MMD2: variants seen among roughly 807,000 people sequenced by gnomAD.
The protein encoded by MMD2 is monocyte to macrophage differentiation factor 2.
A neutral mutation model predicts 33.5 loss-of-function variants in MMD2; 30 were observed. The observed-to-expected ratio is 0.90, with a 90% CI of 0.67 to 1.22. The LOEUF is 1.22. Among genes scored for constraint, MMD2 ranks in the 50% most tolerant of loss-of-function variants. The pLI, the probability that MMD2 is intolerant of heterozygous loss-of-function variation, is 0.00. For missense variants in MMD2, 364 were observed against 325.4 expected (o/e 1.12, Z -0.91); for synonymous variants, 129 against 123.0 (o/e 1.05, Z -0.32).
chr7:4,893,234 A>G, the MMD2 span, among the ~76,000 whole-genome samples: 2 of 152,050 alleles, frequency 1.3e-5, no homozygotes, highest in Admixed American at 1.3e-4. Flanking sequence ...GACCCCGTCC[A>G]AGAAAGAATT....
Position 4,928,594 on chromosome 7 carries a change from C to G in MMD2, c.48-3062G>C, listed in dbSNP as rs565587046. 2.0e-5 allele frequency among the ~76,000 whole-genome samples: 3 copies of G among 152,110 alleles called. No individual in the cohort carries two copies. The South Asian group carries it at 6.2e-4, about 32-fold the overall frequency. ...TGCTGACTCCATGCTAAGTATAGTT[C>G]ATGAAGCATTCATTGAGCACCTTCT... On this transcript the variant is annotated intron_variant, in intron 1 of 6. Coordinates refer to ENST00000401401, the MANE Select transcript of MMD2 (RefSeq NM_198403.4).
Position 4,907,315 on chromosome 7 carries a change from T to C in MMD2, c.*81A>G. On this transcript the variant is annotated 3_prime_UTR_variant, in exon 7 of 7. Transcript: ENST00000401401. ...CTACCCAATAAAGGGAAGACAGGCC[T>C]TGGCGCTGTGCTCTGGGTTAACGTT... 2 of 1,404,348 alleles carry C rather than the reference T, an allele frequency of 1.4e-6. No homozygotes were observed. The highest frequency in any genetic ancestry group is 4.9e-4 in the Middle Eastern group (2 of 4,092). 87.0% of individuals were successfully genotyped at this position (1,404,348 alleles called of 1,614,324 possible).
chr7:4,919,412 A>G (rs1442394876), intron 3 of MMD2, among the ~76,000 whole-genome samples: 1 of 151,522 alleles, frequency 6.6e-6, no homozygotes, highest in East Asian at 2.0e-4. Context: ...CTACAAAAAG[A>G]TACAAGAATT....
At chr7:4,932,529 C>A (rs181079994) in intron 1 of MMD2, among the ~76,000 whole-genome samples, 109 of 152,106 alleles carry the variant, frequency 7.2e-4, no homozygotes, top group Non-Finnish European at 1.2e-3. Context: ...GATTCACCAT[C>A]CCCCAGAATT....
chr7:4,914,470 T>G (rs1019173132), intron 4 of MMD2, among the ~76,000 whole-genome samples: 2 of 152,232 alleles, frequency 1.3e-5, no homozygotes, highest in Non-Finnish European at 2.9e-5. Context: ...GTATTCTCCC[T>G]GTTTATGTAA....
intron 2 of MMD2, among the ~76,000 whole-genome samples, chr7:4,924,749 G>A (rs6947947): frequency 0.53 from 81,033 of 151,898 alleles, 22,461 homozygotes; most frequent in African/African-American, 0.69. Flanking sequence ...TATTCCCGGT[G>A]ACAGGAACAG....
rs202062526 is a variant in MMD2 at position 4,907,347 on chromosome 7, A to T, written c.*49T>A. 3.5e-5 allele frequency: 56 copies of T among 1,584,546 alleles called. No homozygotes were observed. The East Asian group carries it at 1.1e-3, about 32-fold the overall frequency. ...TGTGCTCTGGGTTAACGTTCACAGA[A>T]ACGTGCTCCACTCCTAAAGCCCAAA... On this transcript the variant is annotated 3_prime_UTR_variant, in exon 7 of 7. Coordinates refer to ENST00000401401, the MANE Select transcript of MMD2 (RefSeq NM_198403.4).
downstream of MMD2, among the ~76,000 whole-genome samples, chr7:4,904,774 G>A (rs1054883652): frequency 6.6e-6 from 1 of 152,160 alleles, no homozygotes; most frequent in Admixed American, 6.5e-5. Context: ...CAATGCCGGG[G>A]TTATGCTGAA....
intron 1 of MMD2, among the ~76,000 whole-genome samples, chr7:4,927,694 G>A (rs950113640): frequency 6.6e-6 from 1 of 152,150 alleles, no homozygotes; most frequent in African/African-American, 2.4e-5. Flanking sequence ...GTGACAGAGA[G>A]AGACTCATTC....
At chr7:4,908,790 A>G (rs1480962605) in intron 6 of MMD2, among the ~76,000 whole-genome samples, 1 of 151,688 alleles carries the variant, frequency 6.6e-6, no homozygotes, top group Non-Finnish European at 1.5e-5. Context: ...CCAGCTACTC[A>G]GGAGGCCAAG....
chr7:4,903,880 C>T (rs953219588), downstream of MMD2, among the ~76,000 whole-genome samples: 2 of 152,156 alleles, frequency 1.3e-5, no homozygotes, highest in Non-Finnish European at 2.9e-5. Flanking sequence ...CCTCACGGCC[C>T]CAGGGATGGA....
chr7:4,957,171 AAAAT>A (rs1325030650), intron 1 of MMD2, among the ~76,000 whole-genome samples: 9 of 132,892 alleles, frequency 6.8e-5, no homozygotes, highest in Admixed American at 7.7e-5. Context: ...CTCAAAAAAA[AAAAT>A]ATATATATAT....
downstream of MMD2, among the ~76,000 whole-genome samples, chr7:4,905,627 T>A (rs1027501432): frequency 1.3e-5 from 2 of 151,164 alleles, no homozygotes; most frequent in African/African-American, 4.9e-5. The surrounding 1 kb of genome is among the most constrained non-coding windows in gnomAD (Gnocchi z 5.0). Context: ...CCTTGGGAGG[T>A]CTCCTAAACA....
chr7:4,921,620 CAAAA>C (rs1209184282), intron 2 of MMD2, among the ~76,000 whole-genome samples: 1 of 67,446 alleles, frequency 1.5e-5, no homozygotes, highest in African/African-American at 4.6e-5. Flanking sequence ...GACTCTGTCT[CAAAA>C]AAAAAAAAAA....
rs548659743 is a variant in MMD2 at position 4,906,100 on chromosome 7, C to T, written c.*1296G>A. The T allele has an allele frequency of 2.3e-5, 4 of 171,256 alleles. No homozygotes were observed. The highest frequency in any genetic ancestry group is 9.4e-5 in the African/African-American group (4 of 42,482). The allele number at this position is 171,256 out of a possible 1,614,324, so 10.6% of individuals were successfully genotyped here. On this transcript the variant is annotated 3_prime_UTR_variant, in exon 7 of 7. Transcript: ENST00000401401. The stretch of plus-strand genomic sequence containing the variant: ...TAGAGATAAGCATAAGGCATCCTGT[C>T]TGTGCCCACTCCACCCTGGTTGGGA...
chr7:4,927,311 G>A (rs543747898), intron 1 of MMD2, among the ~76,000 whole-genome samples: 1 of 152,110 alleles, frequency 6.6e-6, no homozygotes, highest in African/African-American at 2.4e-5. Flanking sequence ...TTAAGAGGCC[G>A]AGGCAGGCGG....
chr7:4,895,014 C>G, the MMD2 span, among the ~76,000 whole-genome samples: 1 of 151,914 alleles, frequency 6.6e-6, no homozygotes, highest in African/African-American at 2.4e-5. Flanking sequence ...GTCTCTGACT[C>G]TCAGCCACTT....
At chr7:4,957,123 G>A (rs1004326584) in intron 1 of MMD2, among the ~76,000 whole-genome samples, 114 of 150,478 alleles carry the variant, frequency 7.6e-4, no homozygotes, top group African/African-American at 2.4e-3. Context: ...CTGAGATCAC[G>A]CCACCGCACT....
chr7:4,908,809 A>C (rs936530934), intron 6 of MMD2, among the ~76,000 whole-genome samples: 1 of 151,768 alleles, frequency 6.6e-6, no homozygotes, highest in African/African-American at 2.4e-5. Flanking sequence ...AGGCACGAGA[A>C]TCACTTGAAC....
Sources: allele counts gnomAD v4.1 joint callset (sites outside exome capture counted in the v4.1 genomes callset), GRCh38; gene constraint gnomAD v4.1.1; non-coding constraint Gnocchi (gnomAD v3.1); transcripts MANE v1.5; gene names NCBI Gene and HGNC (gene_info 2026-07-23, HGNC 2026-07-21).